The following HS6ST2 variants were observed in gnomAD, a reference collection of about 807,000 sequenced individuals.
HS6ST2 encodes heparan-sulfate 6-O-sulfotransferase 2.
HS6ST2 carries 17 observed loss-of-function variants against 33.0 expected under a neutral mutation model. The observed-to-expected ratio is 0.52, with a 90% confidence interval of 0.35 to 0.77. The LOEUF is 0.77. Among genes scored for constraint, HS6ST2 ranks in the 30% least tolerant of loss-of-function variants. HS6ST2 has a pLI of 0.01. For synonymous variants in HS6ST2, 248 were observed against 237.1 expected (o/e 1.05, Z -0.42); for missense variants, 519 against 551.7 (o/e 0.94, Z 0.59).
intron 2 of HS6ST2, among the ~76,000 whole-genome samples, chrX:132,853,468 C>T (rs929438191): frequency 9.1e-6 from 1 of 110,352 alleles, no homozygotes; most frequent in Non-Finnish European, 1.9e-5. Context: ...CCTACACAAA[C>T]TTTAAATCTG....
At chrX:132,879,629 T>A (rs755132874) in intron 2 of HS6ST2, among the ~76,000 whole-genome samples, 31 of 111,365 alleles carry the variant, frequency 2.8e-4, no homozygotes, top group Non-Finnish European at 5.3e-4. Flanking sequence ...ATCAGAGGAG[T>A]CTGAATTTTC....
At chrX:132,766,507 G>T (rs2064849566) in intron 2 of HS6ST2, among the ~76,000 whole-genome samples, 1 of 111,442 alleles carries the variant, frequency 9.0e-6, no homozygotes, top group African/African-American at 3.3e-5. Context: ...TCTAATCCTA[G>T]CCCTGCCACT....
At chrX:132,825,873 CTG>C (rs2065513139) in intron 2 of HS6ST2, among the ~76,000 whole-genome samples, 1 of 112,135 alleles carries the variant, frequency 8.9e-6, no homozygotes, top group African/African-American at 3.2e-5. Flanking sequence ...AATCTACTCT[CTG>C]TGTCACAATG....
chrX:132,882,382 A>G (rs373690070), intron 2 of HS6ST2, among the ~76,000 whole-genome samples: 1 of 107,728 alleles, frequency 9.3e-6, no homozygotes, highest in South Asian at 4.1e-4. Context: ...ATTCTCTTTG[A>G]AGCAATTGTG....
intron 4 of HS6ST2, among the ~76,000 whole-genome samples, chrX:132,645,634 G>A (rs1464742156): frequency 8.9e-6 from 1 of 112,188 alleles, no homozygotes; most frequent in East Asian, 2.8e-4. Context: ...CTTCTACGTG[G>A]TGGAAAGAAT....
chrX:132,671,892 T>C (rs765640172), intron 3 of HS6ST2, among the ~76,000 whole-genome samples: 2 of 111,926 alleles, frequency 1.8e-5, no homozygotes, highest in East Asian at 2.8e-4. Context: ...CAAGAAGAAC[T>C]TGTGGCTGGC....
At chrX:132,887,261 G>A (rs1044434908) in intron 2 of HS6ST2, among the ~76,000 whole-genome samples, 1 of 111,992 alleles carries the variant, frequency 8.9e-6, no homozygotes, top group Non-Finnish European at 1.9e-5. Flanking sequence ...AATTCATTAT[G>A]GGCAGAACTG....
chrX:132,733,317 ATTG>A (rs1409021411), intron 2 of HS6ST2, among the ~76,000 whole-genome samples: 4 of 110,247 alleles, frequency 3.6e-5, no homozygotes, highest in African/African-American at 1.3e-4. Context: ...ACCAAGATAT[ATTG>A]TTAAGTGAAA....
intron 2 of HS6ST2, among the ~76,000 whole-genome samples, chrX:132,783,795 T>C (rs187630235): frequency 4.5e-5 from 5 of 111,478 alleles, no homozygotes; most frequent in Admixed American, 3.8e-4. Flanking sequence ...TTCCTGGGAA[T>C]GAAGCCTTAA....
chrX:132,868,235 T>A (rs953831764), intron 2 of HS6ST2, among the ~76,000 whole-genome samples: 1 of 112,236 alleles, frequency 8.9e-6, no homozygotes, highest in Non-Finnish European at 1.9e-5. Flanking sequence ...AAGAGCTAAC[T>A]ATCCTAAATA....
At chrX:132,827,692 T>C (rs1449888582) in intron 2 of HS6ST2, among the ~76,000 whole-genome samples, 1 of 111,201 alleles carries the variant, frequency 9.0e-6, no homozygotes, top group Admixed American at 9.6e-5. Flanking sequence ...TCCATCTTTG[T>C]TAATTTCCTC....
At chrX:132,880,774 C>A (rs2066161826) in intron 2 of HS6ST2, among the ~76,000 whole-genome samples, 1 of 89,343 alleles carries the variant, frequency 1.1e-5, no homozygotes, top group Non-Finnish European at 2.2e-5. Flanking sequence ...CTATCCCTCC[C>A]CCCTCCCCCC....
intron 2 of HS6ST2, 124 bp downstream of exon 2, chrX:132,956,684 C>T: frequency 1.2e-6 from 1 of 860,524 alleles, no homozygotes. Flanking sequence ...CAGCACCTGC[C>T]CAGCCGGGGT....
intron 2 of HS6ST2, among the ~76,000 whole-genome samples, chrX:132,770,815 C>A (rs1005987449): frequency 9.0e-5 from 10 of 110,781 alleles, no homozygotes; most frequent in African/African-American, 3.0e-4. Flanking sequence ...GCTAATACAA[C>A]ACAAGCCATA....
intron 2 of HS6ST2, among the ~76,000 whole-genome samples, chrX:132,950,636 T>C (rs753508249): frequency 1.8e-4 from 20 of 111,994 alleles, no homozygotes; most frequent in African/African-American, 6.5e-4. Flanking sequence ...AAAACAGTTT[T>C]TCCATGTCTG....
chrX:132,902,452 CCTT>C (rs1348240483), intron 2 of HS6ST2, among the ~76,000 whole-genome samples: 2 of 112,220 alleles, frequency 1.8e-5, no homozygotes, highest in African/African-American at 6.5e-5. Flanking sequence ...GCCTCAGATT[CCTT>C]CTTAACAATC....
intron 3 of HS6ST2, among the ~76,000 whole-genome samples, chrX:132,699,221 C>T (rs937762992): frequency 6.3e-5 from 7 of 111,724 alleles, no homozygotes; most frequent in Non-Finnish European, 1.3e-4. Context: ...AAGCTAGGGG[C>T]CTCTCCCCAA....
intron 2 of HS6ST2, among the ~76,000 whole-genome samples, chrX:132,791,810 C>CA (rs60249665): frequency 0.05 from 4,202 of 84,753 alleles, 134 homozygotes; most frequent in East Asian, 0.15. Flanking sequence ...CCCATTTCTA[C>CA]AAAAAAAAAA....
intron 2 of HS6ST2, among the ~76,000 whole-genome samples, chrX:132,807,343 T>C (rs891978559): frequency 2.7e-5 from 3 of 110,202 alleles, no homozygotes; most frequent in African/African-American, 9.8e-5. Flanking sequence ...ATTTAAAGAG[T>C]TGAAACAACT....
Sources: allele counts gnomAD v4.1 joint callset (sites outside exome capture counted in the v4.1 genomes callset), GRCh38; gene constraint gnomAD v4.1.1; transcripts MANE v1.5; gene names NCBI Gene and HGNC (gene_info 2026-07-23, HGNC 2026-07-21).